DNAH14: variants seen among roughly 807,000 people sequenced by gnomAD.
The protein encoded by DNAH14 is dynein axonemal heavy chain 14.
Under a neutral mutation model 520.9 loss-of-function variants are expected in DNAH14, and 478 were observed. The observed-to-expected ratio is 0.92, with a 90% CI of 0.85 to 0.99. The LOEUF is 0.99. Ranked by LOEUF, DNAH14 falls within the 50% of genes least tolerant of loss-of-function variation. The pLI, the probability that DNAH14 is intolerant of heterozygous loss-of-function variation, is 0.00. For missense variants in DNAH14, 4,831 were observed against 5,234.5 expected (o/e 0.92, Z 2.38); for synonymous variants, 1,581 against 1,757.2 (o/e 0.90, Z 2.51).
At chr1:225,303,420 C>A (rs2094177183) in intron 57 of DNAH14, 73 bp downstream of exon 57, 2 of 1,358,332 alleles carry the variant, frequency 1.5e-6, no homozygotes. Context: ...TGAAGAGCAA[C>A]AAACCCTAGA....
Position 225,079,380 on chromosome 1 carries a change from A to G in DNAH14, c.2598A>G (p.Ser866=). 1.3e-6 allele frequency: 2 copies of G among 1,550,898 alleles called. No individual in the cohort carries two copies. ...CAAAGCATCACCAGATCCATATTTC[A>G]GAAGAGCAAATTGCCATATTCCAAG... ...SVAKHHQIHI[S]EEQIAIFQVL... is the part of the protein sequence containing the mutation. Residue 866 remains serine (S), a synonymous_variant, in exon 18 of 86, where the codon TCA becomes TCG. Transcript: ENST00000682510.
At chr1:225,253,733 G>A (rs2092639379) in intron 44 of DNAH14, among the ~76,000 whole-genome samples, 1 of 152,074 alleles carries the variant, frequency 6.6e-6, no homozygotes, top group Admixed American at 6.6e-5. Context: ...TTTCTTGTGT[G>A]GGATTATAGA....
chr1:224,972,140 A>G (rs930878183), intron 7 of DNAH14, among the ~76,000 whole-genome samples: 2 of 150,916 alleles, frequency 1.3e-5, no homozygotes, highest in African/African-American at 2.4e-5. Context: ...ATCTTTTTAC[A>G]TGACATTTGG....
intron 41 of DNAH14, among the ~76,000 whole-genome samples, chr1:225,214,612 T>C (rs2089007711): frequency 6.6e-6 from 1 of 152,144 alleles, no homozygotes; most frequent in African/African-American, 2.4e-5. Context: ...TCAGGGATTT[T>C]ACTTCTTCCT....
chr1:225,274,695 G>A (rs1005639542), intron 52 of DNAH14, among the ~76,000 whole-genome samples: 1 of 152,210 alleles, frequency 6.6e-6, no homozygotes, highest in Non-Finnish European at 1.5e-5. Context: ...AGTAGAAAAT[G>A]AGCAAGCAAA....
chr1:225,176,711 C>A (rs1044569768), intron 36 of DNAH14, among the ~76,000 whole-genome samples: 1 of 152,006 alleles, frequency 6.6e-6, no homozygotes, highest in African/African-American at 2.4e-5. Context: ...GGAGAGTTTT[C>A]CTGCACAAGC....
chr1:225,004,089 C>G (rs545515970), intron 9 of DNAH14, among the ~76,000 whole-genome samples: 1 of 152,124 alleles, frequency 6.6e-6, no homozygotes, highest in African/African-American at 2.4e-5. Context: ...AGGAAGAGAA[C>G]AAACTTTTCC....
chr1:224,947,536 A>G (rs946200574), intron 1 of DNAH14, among the ~76,000 whole-genome samples: 1 of 151,968 alleles, frequency 6.6e-6, no homozygotes, highest in African/African-American at 2.4e-5. Context: ...GATCCTCTTG[A>G]TTGAGGTTTA....
chr1:225,244,440 T>C (rs2092154704), intron 43 of DNAH14, among the ~76,000 whole-genome samples: 1 of 152,186 alleles, frequency 6.6e-6, no homozygotes, highest in African/African-American at 2.4e-5. Flanking sequence ...CCAGCTCCTC[T>C]TTGTACCTCT....
intron 41 of DNAH14, among the ~76,000 whole-genome samples, chr1:225,225,512 A>G (rs2149532124): frequency 6.6e-6 from 1 of 152,290 alleles, no homozygotes; most frequent in Non-Finnish European, 1.5e-5. Flanking sequence ...CATCCCATAT[A>G]GTACCCAAGG....
intron 53 of DNAH14, among the ~76,000 whole-genome samples, chr1:225,276,320 G>A (rs761160977): frequency 6.6e-6 from 1 of 152,032 alleles, no homozygotes; most frequent in Admixed American, 6.6e-5. Flanking sequence ...CATCTTATTT[G>A]TCTCATTTGA....
At chr1:225,340,420 A>AT in intron 68 of DNAH14, 37 bp from the exon 69 acceptor site, 1 of 1,492,162 alleles carries the variant, frequency 6.7e-7, no homozygotes, top group Non-Finnish European at 9.0e-7. Context: ...TTTCTTCTAC[A>AT]TGTTCTTTGA....
At chr1:224,976,917 G>A (rs2061888362) in intron 8 of DNAH14, among the ~76,000 whole-genome samples, 1 of 151,464 alleles carries the variant, frequency 6.6e-6, no homozygotes, top group Non-Finnish European at 1.5e-5. Flanking sequence ...AACCATTGTG[G>A]AAGTCAGTGT....
intron 42 of DNAH14, among the ~76,000 whole-genome samples, chr1:225,233,441 C>A (rs755007616): frequency 2.0e-5 from 3 of 152,130 alleles, no homozygotes; most frequent in Non-Finnish European, 2.9e-5. Context: ...AAAAGCATTC[C>A]TTTTTCTTTG....
At chr1:225,007,674 TAA>T in intron 10 of DNAH14, 130 bp downstream of exon 10, 1 of 584,134 alleles carries the variant, frequency 1.7e-6, no homozygotes, top group Non-Finnish European at 2.6e-6. Flanking sequence ...ATTAACCAAC[TAA>T]CTGGTACTAT....
chr1:224,998,317 C>T (rs2063528227), intron 8 of DNAH14, among the ~76,000 whole-genome samples: 1 of 151,824 alleles, frequency 6.6e-6, no homozygotes, highest in African/African-American at 2.4e-5. Flanking sequence ...CCTCTGTTTG[C>T]TTTGGGTTTC....
chr1:225,113,017 G>A (rs2076596358), intron 23 of DNAH14, among the ~76,000 whole-genome samples: 2 of 152,042 alleles, frequency 1.3e-5, no homozygotes, highest in Admixed American at 1.3e-4. Flanking sequence ...GTAAGGTTTT[G>A]TTTTCCTGGG....
At chr1:225,342,545 A>C (rs999579640) in intron 69 of DNAH14, among the ~76,000 whole-genome samples, 1 of 152,154 alleles carries the variant, frequency 6.6e-6, no homozygotes, top group Non-Finnish European at 1.5e-5. Context: ...AGAATGTTTT[A>C]GAAACTAATA....
At chr1:225,039,267 A>C (rs1453029612) in intron 12 of DNAH14, among the ~76,000 whole-genome samples, 4 of 152,176 alleles carry the variant, frequency 2.6e-5, no homozygotes, top group Non-Finnish European at 5.9e-5. Flanking sequence ...GTAAAGTAGC[A>C]TCTACCCCCT....
Sources: gnomAD v4.1 joint callset for allele counts (sites outside exome capture counted in the v4.1 genomes callset) on GRCh38, gnomAD v4.1.1 for gene constraint, MANE v1.5 for transcripts, NCBI Gene and HGNC (gene_info 2026-07-23, HGNC 2026-07-21) for gene names.